DNAH6: variants seen among roughly 807,000 people sequenced by gnomAD.
DNAH6 encodes axonemal beta dynein heavy chain 6.
A neutral mutation model predicts 491.4 loss-of-function variants in DNAH6; 340 were observed. That is an observed-to-expected ratio of 0.69 (90% CI 0.63 to 0.76). The LOEUF (loss-of-function observed/expected upper bound fraction) is 0.76. Among genes scored for constraint, DNAH6 ranks in the 30% least tolerant of loss-of-function variants. The pLI is 0.00. For missense variants in DNAH6, 4,443 were observed against 4,972.2 expected (o/e 0.89, Z 3.20); for synonymous variants, 1,603 against 1,686.1 (o/e 0.95, Z 1.21).
chr2:84,598,334 T>C (rs1480947509), intron 18 of DNAH6, among the ~76,000 whole-genome samples: 1 of 152,010 alleles, frequency 6.6e-6, no homozygotes, highest in Non-Finnish European at 1.5e-5. Flanking sequence ...AGCCAGTTCA[T>C]TTATTTTTAT....
intron 17 of DNAH6, among the ~76,000 whole-genome samples, chr2:84,595,059 C>T (rs1684447715): frequency 6.6e-6 from 1 of 152,032 alleles, no homozygotes; most frequent in Non-Finnish European, 1.5e-5. Context: ...AGGATGCATT[C>T]ACCCTAGGAA....
At chr2:84,553,661 G>A (rs553928848) in intron 10 of DNAH6, among the ~76,000 whole-genome samples, 17 of 107,814 alleles carry the variant, frequency 1.6e-4, no homozygotes, top group Admixed American at 5.6e-4. Flanking sequence ...GTAGAGATGC[G>A]GCTTTGCCAT....
At chr2:84,589,513 A>G (rs1358112609) in intron 16 of DNAH6, among the ~76,000 whole-genome samples, 2 of 152,042 alleles carry the variant, frequency 1.3e-5, no homozygotes, top group Non-Finnish European at 2.9e-5. Flanking sequence ...GGAGTTCGAG[A>G]CCAGCCTGAC....
Position 84,672,502 on chromosome 2 carries a change from A to G in DNAH6, c.6612+18A>G. 1 of 1,542,646 alleles carries G rather than the reference A, an allele frequency of 6.5e-7. No individual in the cohort carries two copies. On this transcript the variant is annotated intron_variant, in intron 40 of 76. Transcript: ENST00000389394. Reference sequence around the variant, plus strand: ...AAATACAGGTTACTTTAGCTTTTAAATTACTTGGTGTGCTTAAATTTAAAT... The same window carrying G: ...AAATACAGGTTACTTTAGCTTTTAAGTTACTTGGTGTGCTTAAATTTAAAT...
chr2:84,474,081 C>G, the DNAH6 span, among the ~76,000 whole-genome samples: 1 of 151,838 alleles, frequency 6.6e-6, no homozygotes, highest in African/African-American at 2.4e-5. Flanking sequence ...TAATCTTGGG[C>G]AGCTAAAGGA....
At position 84,595,938 on chromosome 2, in the gene DNAH6, G is replaced by A; in HGVS notation, c.2868+149G>A. 5.8e-6 allele frequency: 5 copies of A among 865,412 alleles called. No homozygotes were observed. The South Asian group carries it at 6.6e-5, about 11-fold the overall frequency. The allele number at this position is 865,412 out of a possible 1,614,324, so 53.6% of individuals were successfully genotyped here. ...TAGTCAAATTCATTTTTTTGCAGTG[G>A]CACAGACTGCATTCCTGTCTTCATT... On this transcript the variant is annotated intron_variant, in intron 18 of 76. Coordinates refer to ENST00000389394, the MANE Select transcript of DNAH6 (RefSeq NM_001370.2).
At chr2:84,629,343 C>T (rs987748287) in intron 29 of DNAH6, among the ~76,000 whole-genome samples, 2 of 152,118 alleles carry the variant, frequency 1.3e-5, no homozygotes, top group Non-Finnish European at 2.9e-5. Context: ...ATGCTTCTTC[C>T]GTGATTGTGG....
chr2:84,590,702 C>T (rs962365394), intron 16 of DNAH6, among the ~76,000 whole-genome samples: 1 of 152,062 alleles, frequency 6.6e-6, no homozygotes, highest in Non-Finnish European at 1.5e-5. Context: ...GCACCCTGGG[C>T]AAGTATAAAA....
Position 84,710,390 on chromosome 2 carries a change from G to C in DNAH6, c.9356G>C (p.Gly3119Ala). Residue 3119 changes from glycine to alanine, a missense_variant, in exon 56 of 77, where the codon GGT becomes GCT. Transcript: ENST00000389394. ...LRILENSIRLGLPVLLEELKE... is the reference protein window; with the variant it reads ...LRILENSIRLALPVLLEELKE... Reference sequence around the variant, plus strand: ...ATACTCGAGAATTCAATCCGACTTGGTTTACCTGTCTTACTGGAAGAGGTT... The same window carrying C: ...ATACTCGAGAATTCAATCCGACTTGCTTTACCTGTCTTACTGGAAGAGGTT... The C allele has an allele frequency of 6.4e-7, 1 of 1,551,716 alleles. No homozygotes were observed. Among genetic ancestry groups the C allele is most frequent in the East Asian group, 2.4e-5 (1 of 40,904 alleles).
chr2:84,706,815 T>A (rs1573551826), intron 52 of DNAH6, 81 bp from the exon 53 acceptor site: 2 of 1,426,348 alleles, frequency 1.4e-6, no homozygotes, highest in East Asian at 2.8e-5. Flanking sequence ...ATATATAAAA[T>A]TTTTTTTAGA....
the DNAH6 span, among the ~76,000 whole-genome samples, chr2:84,508,534 A>AT: frequency 1.1e-4 from 17 of 152,178 alleles, no homozygotes; most frequent in Non-Finnish European, 1.6e-4. Flanking sequence ...GGATTCATTG[A>AT]TTTTTTGAAG....
chr2:84,562,543 C>A (rs570033027), intron 11 of DNAH6, among the ~76,000 whole-genome samples: 1 of 152,202 alleles, frequency 6.6e-6, no homozygotes, highest in South Asian at 2.1e-4. Context: ...GTCATGGATC[C>A]TTAATGCCAG....
chr2:84,682,863 C>T (rs1249353435), intron 42 of DNAH6, among the ~76,000 whole-genome samples: 1 of 152,222 alleles, frequency 6.6e-6, no homozygotes, highest in Non-Finnish European at 1.5e-5. Flanking sequence ...GCACAGCAGC[C>T]AAGCATGGGC....
the DNAH6 span, among the ~76,000 whole-genome samples, chr2:84,482,953 G>T: frequency 6.9e-5 from 10 of 144,038 alleles, no homozygotes; most frequent in Non-Finnish European, 1.2e-4. Flanking sequence ...TTATGTTACG[G>T]TTTTTTTTTT....
chr2:84,588,823 T>C lies in DNAH6; in HGVS notation c.2482-3T>C. The C allele has an allele frequency of 2.0e-6, 3 of 1,526,592 alleles. No homozygotes were observed. The highest frequency in any genetic ancestry group is 2.6e-6 in the Non-Finnish European group (3 of 1,137,692). 94.6% of individuals were successfully genotyped at this position (1,526,592 alleles called of 1,614,324 possible). A position where few individuals can be genotyped will look rare whatever the true frequency, so the allele number is the denominator to read the frequency against. On this transcript the variant is annotated splice_region_variant and splice_polypyrimidine_tract_variant and intron_variant, in intron 15 of 76. Transcript: ENST00000389394. ...CTAACCAAAAACTGTCTTAAATTTA[T>C]AGGATCCACAGATTTTAGATATCTC...
At chr2:84,534,186 A>G (rs890259659) in intron 4 of DNAH6, among the ~76,000 whole-genome samples, 3 of 152,072 alleles carry the variant, frequency 2.0e-5, no homozygotes, top group Non-Finnish European at 4.4e-5. Context: ...CTATAAGGCA[A>G]AGCTTCCCAA....
At chr2:84,769,276 A>G (rs6724809) in intron 64 of DNAH6, among the ~76,000 whole-genome samples, 149 of 152,334 alleles carry the variant, frequency 9.8e-4, no homozygotes, top group African/African-American at 3.4e-3. Context: ...TTACGTGCCT[A>G]TGGCCCCCTG....
intron 70 of DNAH6, among the ~76,000 whole-genome samples, chr2:84,802,823 T>C (rs1049420628): frequency 1.3e-5 from 2 of 152,094 alleles, no homozygotes; most frequent in African/African-American, 4.8e-5. Flanking sequence ...AAAGCAAGTC[T>C]CAACAAATTT....
chr2:84,706,814 A>AT (rs1696499704), intron 52 of DNAH6, 82 bp from the exon 53 acceptor site: 14 of 1,444,032 alleles, frequency 9.7e-6, no homozygotes, highest in African/African-American at 1.5e-5. Context: ...CATATATAAA[A>AT]TTTTTTTTAG....
Sources: allele counts gnomAD v4.1 joint callset (sites outside exome capture counted in the v4.1 genomes callset), GRCh38; gene constraint gnomAD v4.1.1; transcripts MANE v1.5; gene names NCBI Gene and HGNC (gene_info 2026-07-23, HGNC 2026-07-21).